The following PCDHA1 variants were observed in gnomAD, a reference collection of about 807,000 sequenced individuals.
The protein encoded by PCDHA1 is protocadherin alpha-1.
In PCDHA1, 42 loss-of-function variants were observed where a neutral mutation model predicts 61.3. That is an observed-to-expected ratio of 0.69 (90% CI 0.54 to 0.89). PCDHA1 has a LOEUF of 0.89. Among genes scored for constraint, PCDHA1 ranks in the 40% least tolerant of loss-of-function variants. PCDHA1 has a pLI of 0.00. For synonymous variants in PCDHA1, 610 were observed against 553.8 expected (o/e 1.10, Z -1.43); for missense variants, 1,256 against 1,235.3 (o/e 1.02, Z -0.25).
At chr5:140,949,634 G>A (rs1172841481) in intron 1 of PCDHA1, among the ~76,000 whole-genome samples, 3 of 151,562 alleles carry the variant, frequency 2.0e-5, no homozygotes, top group East Asian at 1.9e-4. Flanking sequence ...ATGGCATATT[G>A]CTTTTTGTTC....
chr5:140,985,202 G>A (rs1554246846), intron 3 of PCDHA1, among the ~76,000 whole-genome samples: 1 of 152,204 alleles, frequency 6.6e-6, no homozygotes, highest in Non-Finnish European at 1.5e-5. Flanking sequence ...CTCCCAAAGT[G>A]TTGGGATTAC....
At chr5:140,927,436 T>A (rs776039540) in intron 1 of PCDHA1, 1 of 1,614,132 alleles carries the variant, frequency 6.2e-7, no homozygotes, top group Non-Finnish European at 8.5e-7. Context: ...CGGCAGCGAA[T>A]ACCCGGAGTT....
At chr5:140,845,504 C>T (rs1210471805) in intron 1 of PCDHA1, among the ~76,000 whole-genome samples, 1 of 149,510 alleles carries the variant, frequency 6.7e-6, no homozygotes, top group Non-Finnish European at 1.5e-5. Flanking sequence ...AAGTCTAAAC[C>T]TATTTCTTGT....
intron 1 of PCDHA1, among the ~76,000 whole-genome samples, chr5:140,943,089 T>C (rs2093417033): frequency 6.6e-6 from 1 of 151,612 alleles, no homozygotes; most frequent in African/African-American, 2.4e-5. Flanking sequence ...AAATCCTGCC[T>C]CTACTAAAAA....
Position 140,787,925 on chromosome 5 carries a change from G to A in PCDHA1, c.1635G>A (p.Leu545=). The A allele has an allele frequency of 2.5e-6, 4 of 1,613,862 alleles. No individual in the cohort carries two copies. Among genetic ancestry groups the A allele is most frequent in the Non-Finnish European group, 2.5e-6 (3 of 1,179,928 alleles). ...CGCGGGATGCGGGCGTGCCGCCTCT[G>A]GGCAGCAACGTGACGCTGCAGGTGT... ...VSARDAGVPP[L]GSNVTLQVFV... is the part of the protein sequence containing the mutation. The change falls in exon 1 of 4, where the codon CTG becomes CTA. Residue 545 remains leucine (L), a synonymous_variant. Coordinates refer to ENST00000504120, the MANE Select transcript of PCDHA1 (RefSeq NM_018900.4).
At position 140,857,921 on chromosome 5, in the gene PCDHA1, C is replaced by A. The variant is rs1554150855; in HGVS notation, c.2394+69237C>A. On this transcript the variant is annotated intron_variant, in intron 1 of 3. Coordinates refer to ENST00000504120, the MANE Select transcript of PCDHA1 (RefSeq NM_018900.4). ...TGCACGCATCCCGTTTCGCGTGGGG[C>A]TGTACACGGGCGAGATCAGTACGAC... 4 of 1,597,628 alleles carry A rather than the reference C, an allele frequency of 2.5e-6. No homozygotes were observed. The Admixed American group carries it at 6.7e-5, about 27-fold the overall frequency.
At chr5:140,805,888 G>A (rs1030166) in intron 1 of PCDHA1, among the ~76,000 whole-genome samples, 87,675 of 151,904 alleles carry the variant, frequency 0.58, 25,936 homozygotes, top group African/African-American at 0.7. Flanking sequence ...ATGGAAGGAA[G>A]CAAACATTTT....
rs2150336386 is a variant in PCDHA1 at position 140,842,455 on chromosome 5, T to C, written c.2394+53771T>C. Reference sequence around the variant, plus strand: ...CCCTAATTAGCGTGAACGACCTCGATTCAGGTGCCAACGGGCAGGTGACCT... The same window carrying C: ...CCCTAATTAGCGTGAACGACCTCGACTCAGGTGCCAACGGGCAGGTGACCT... On this transcript the variant is annotated intron_variant, in intron 1 of 3. Coordinates refer to ENST00000504120, the MANE Select transcript of PCDHA1 (RefSeq NM_018900.4). The C allele has an allele frequency of 1.2e-6, 2 of 1,613,862 alleles. 1 individual carries two copies. Among genetic ancestry groups the C allele is most frequent in the East Asian group, 4.5e-5 (2 of 44,876 alleles).
At chr5:140,867,473 G>A (rs2049977371) in intron 1 of PCDHA1, 1 of 151,968 alleles carries the variant, frequency 6.6e-6, no homozygotes, top group Non-Finnish European at 1.5e-5. Flanking sequence ...ACAACATTGG[G>A]AAAAGAGTAA....
intron 1 of PCDHA1, chr5:140,803,614 T>G (rs1763248657): frequency 6.2e-7 from 1 of 1,614,122 alleles, no homozygotes; most frequent in Non-Finnish European, 8.5e-7. Flanking sequence ...TATTTATTCT[T>G]TCCAAAATGT....
chr5:140,987,474 G>A (rs114440148), intron 3 of PCDHA1, among the ~76,000 whole-genome samples: 307 of 152,240 alleles, frequency 2.0e-3, no homozygotes, highest in African/African-American at 7.1e-3. Context: ...CTCAAGCTTG[G>A]GAGTCAGTGA....
At chr5:140,801,714 G>T in intron 1 of PCDHA1, 1 of 1,614,128 alleles carries the variant, frequency 6.2e-7, no homozygotes. Flanking sequence ...TTACAGTCTT[G>T]ATTCCACTGA....
chr5:140,835,605 G>T, intron 1 of PCDHA1: 1 of 1,613,894 alleles, frequency 6.2e-7, no homozygotes. Context: ...CTATTCATTG[G>T]TGCTGGACAG....
intron 1 of PCDHA1, chr5:140,859,028 T>C (rs1281709317): frequency 6.6e-6 from 1 of 150,998 alleles, no homozygotes; most frequent in Non-Finnish European, 1.5e-5. Flanking sequence ...AGTTAAATGC[T>C]TTGAACTTTA....
intron 1 of PCDHA1, chr5:140,865,282 T>G (rs2048808966): frequency 6.6e-6 from 1 of 152,240 alleles, no homozygotes; most frequent in Non-Finnish European, 1.5e-5. Flanking sequence ...GTAAAATTAC[T>G]TTGCTCTTTT....
intron 1 of PCDHA1, chr5:140,805,049 T>C (rs781903718): frequency 6.3e-7 from 1 of 1,591,004 alleles, no homozygotes; most frequent in Non-Finnish European, 8.5e-7. Context: ...CCAAAGTACT[T>C]GTCTTCCCAG....
At chr5:140,984,405 C>T (rs782109046) in intron 3 of PCDHA1, among the ~76,000 whole-genome samples, 1 of 152,114 alleles carries the variant, frequency 6.6e-6, no homozygotes, top group Non-Finnish European at 1.5e-5. Context: ...GAGAACCTAT[C>T]TTTTTTACAG....
In PCDHA1 at chr5:140,870,098, A is replaced by G. The variant is rs181372298; in HGVS notation, c.2394+81414A>G. 3.1e-6 allele frequency: 5 copies of G among 1,613,860 alleles called. No individual in the cohort carries two copies. The East Asian group carries it at 1.1e-4, about 36-fold the overall frequency. On this transcript the variant is annotated intron_variant, in intron 1 of 3. Transcript: ENST00000504120. ...AAGGGGACTCCCCCAATGGCAGGTC[A>G]CTGTACAGTCTGGGTGGAAATCTTG... is the stretch of plus-strand genomic sequence containing the variant.
chr5:140,837,856 T>A (rs1212589641), intron 1 of PCDHA1, among the ~76,000 whole-genome samples: 1 of 151,590 alleles, frequency 6.6e-6, no homozygotes, highest in African/African-American at 2.4e-5. Context: ...TTTATTTTAT[T>A]TTTGTAGAGA....
Sources: allele counts gnomAD v4.1 joint callset (sites outside exome capture counted in the v4.1 genomes callset), GRCh38; gene constraint gnomAD v4.1.1; transcripts MANE v1.5; gene names NCBI Gene and HGNC (gene_info 2026-07-23, HGNC 2026-07-21).